The following CDH18 variants were observed in gnomAD, a reference collection of about 807,000 sequenced individuals.
CDH18 encodes the protein cadherin-18.
In CDH18, 31 loss-of-function variants were observed where a neutral mutation model predicts 67.9. The observed-to-expected ratio is 0.46, with a 90% CI of 0.34 to 0.62. The LOEUF (loss-of-function observed/expected upper bound fraction) is 0.62, where lower values mean the gene tolerates loss of function less well. CDH18 is among the 20% of genes least tolerant of loss of function. CDH18 has a pLI of 0.01. For synonymous variants in CDH18, 362 were observed against 347.2 expected, an observed-to-expected ratio of 1.04 and a Z score of -0.48; for missense variants, 890 against 975.5, an observed-to-expected ratio of 0.91 and a Z score of 1.17.
Position 19,562,122 on chromosome 5 carries a change from A to G in CDH18, c.1253+9457T>C, listed in dbSNP as rs548091676. The stretch of plus-strand genomic sequence containing the variant: ...AGGATTGCCATGAAGAGAACACTGA[A>G]ATAATTTTATGTTATCAATAAGGAA... On this transcript the variant is annotated intron_variant, in intron 8 of 12. Coordinates refer to ENST00000382275, the MANE Select transcript of CDH18 (RefSeq NM_004934.5). 2.6e-5 allele frequency among the ~76,000 whole-genome samples: 4 copies of G among 152,274 alleles called. No individual in the cohort carries two copies. In the East Asian group the frequency reaches 7.7e-4, roughly 29 times the overall value.
intron 11 of CDH18, among the ~76,000 whole-genome samples, chr5:19,487,713 T>G (rs1740635242): frequency 6.6e-6 from 1 of 152,164 alleles, no homozygotes; most frequent in Admixed American, 6.6e-5. Flanking sequence ...TGATCCCATT[T>G]CTTGTTCAAA....
chr5:20,478,995 C>T (rs1316127733), intron 1 of CDH18, among the ~76,000 whole-genome samples: 1 of 152,174 alleles, frequency 6.6e-6, no homozygotes, highest in Non-Finnish European at 1.5e-5. Flanking sequence ...TCACCCAAGA[C>T]CACCAGAGTG....
intron 1 of CDH18, among the ~76,000 whole-genome samples, chr5:20,494,327 G>A (rs60741597): frequency 0.033 from 5,057 of 152,124 alleles, 276 homozygotes; most frequent in African/African-American, 0.11. Flanking sequence ...GGCAGAGAGG[G>A]ATAAGAGAAG....
chr5:19,950,383 G>C (rs1440885698), intron 2 of CDH18, among the ~76,000 whole-genome samples: 1 of 152,068 alleles, frequency 6.6e-6, no homozygotes, highest in East Asian at 1.9e-4. Flanking sequence ...AAAGGTGGGA[G>C]TGGGTTGAGG....
At chr5:20,095,351 GA>G (rs1283139627) in intron 2 of CDH18, among the ~76,000 whole-genome samples, 3 of 79,280 alleles carry the variant, frequency 3.8e-5, no homozygotes, top group Admixed American at 1.4e-4. Flanking sequence ...AAGAAAGAAA[GA>G]AAGAAAGAAA....
At chr5:20,413,135 A>G (rs1746939616) in intron 1 of CDH18, among the ~76,000 whole-genome samples, 1 of 152,248 alleles carries the variant, frequency 6.6e-6, no homozygotes, top group African/African-American at 2.4e-5. Flanking sequence ...TACAAAGGAC[A>G]TGAACTCATC....
chr5:20,239,381 G>A (rs774647272), intron 2 of CDH18, among the ~76,000 whole-genome samples: 12 of 152,110 alleles, frequency 7.9e-5, no homozygotes, highest in Admixed American at 1.3e-4. Flanking sequence ...GCATGAACCC[G>A]GGAGGCAGAG....
At chr5:20,147,506 G>GT (rs1431390559) in intron 2 of CDH18, among the ~76,000 whole-genome samples, 14 of 152,146 alleles carry the variant, frequency 9.2e-5, no homozygotes, top group African/African-American at 3.4e-4. Context: ...TCTGTAAATA[G>GT]TTTTTTCATC....
At position 19,605,273 on chromosome 5, in the gene CDH18, TA is replaced by T. The variant is rs1747850946; in HGVS notation, c.811+7160del. On this transcript the variant is annotated intron_variant, in intron 6 of 12. Coordinates refer to ENST00000382275, the MANE Select transcript of CDH18 (RefSeq NM_004934.5). ...AATACTATTATTTATTTATAGCTGT[TA>T]CTTTGTTAGAAAGAATATGATCTAC... 3.9e-5 allele frequency among the ~76,000 whole-genome samples: 6 copies of T among 151,966 alleles called. No homozygotes were observed. In the South Asian group the frequency reaches 1.2e-3, roughly 32 times the overall value.
chr5:19,529,929 T>C (rs1748329489), intron 9 of CDH18, among the ~76,000 whole-genome samples: 1 of 152,150 alleles, frequency 6.6e-6, no homozygotes, highest in African/African-American at 2.4e-5. Context: ...GTTGAATAAT[T>C]TGATAAGCTG....
At chr5:20,193,531 T>G (rs1738712665) in intron 2 of CDH18, among the ~76,000 whole-genome samples, 1 of 152,112 alleles carries the variant, frequency 6.6e-6, no homozygotes, top group African/African-American at 2.4e-5. Context: ...TACCAGTCCT[T>G]CTGAAACTAT....
chr5:19,656,657 T>C (rs898527921), intron 5 of CDH18, among the ~76,000 whole-genome samples: 10 of 151,962 alleles, frequency 6.6e-5, no homozygotes, highest in African/African-American at 2.4e-4. Context: ...CAAAGAAAAA[T>C]AGAAACTGAT....
chr5:20,031,068 G>A (rs923397589), intron 2 of CDH18, among the ~76,000 whole-genome samples: 4 of 152,080 alleles, frequency 2.6e-5, no homozygotes, highest in African/African-American at 9.7e-5. Flanking sequence ...AGAGAGTCAT[G>A]AGGAATCTCA....
At chr5:19,719,950 AAAGAAAGAAGG>A (rs1480088835) in intron 5 of CDH18, among the ~76,000 whole-genome samples, 11 of 151,712 alleles carry the variant, frequency 7.3e-5, no homozygotes, top group African/African-American at 2.7e-4. Flanking sequence ...AGAAAGAAAG[AAAGAAAGAAGG>A]AAAGAGTTAA....
intron 3 of CDH18, among the ~76,000 whole-genome samples, chr5:19,767,620 A>G (rs1773258600): frequency 6.6e-6 from 1 of 152,118 alleles, no homozygotes; most frequent in African/African-American, 2.4e-5. Context: ...AGCAGAAAGA[A>G]ACATTAGAAA....
chr5:20,297,502 A>G (rs540328411), intron 1 of CDH18, among the ~76,000 whole-genome samples: 1 of 152,250 alleles, frequency 6.6e-6, no homozygotes, highest in Non-Finnish European at 1.5e-5. Context: ...ATGCAACGAA[A>G]GAAACAAAAT....
At chr5:19,760,351 A>G (rs1312179692) in intron 3 of CDH18, among the ~76,000 whole-genome samples, 7 of 152,140 alleles carry the variant, frequency 4.6e-5, no homozygotes, top group African/African-American at 1.7e-4. Context: ...TGGGATGAGT[A>G]GGTCTAAAGT....
intron 5 of CDH18, among the ~76,000 whole-genome samples, chr5:19,698,914 A>G (rs1762870110): frequency 6.6e-6 from 1 of 152,102 alleles, no homozygotes; most frequent in South Asian, 2.1e-4. Flanking sequence ...AATTTCTTGC[A>G]TAAGTATTTC....
chr5:19,559,768 T>C (rs1173990108), intron 8 of CDH18, among the ~76,000 whole-genome samples: 1 of 151,870 alleles, frequency 6.6e-6, no homozygotes, highest in Non-Finnish European at 1.5e-5. Context: ...TCCTAAAGAC[T>C]CATGCAAAAA....
Sources: allele counts gnomAD v4.1 joint callset (sites outside exome capture counted in the v4.1 genomes callset), GRCh38; gene constraint gnomAD v4.1.1; transcripts MANE v1.5; gene names NCBI Gene and HGNC (gene_info 2026-07-23, HGNC 2026-07-21).